CACNA2D3: variants seen among roughly 807,000 people sequenced by gnomAD.
CACNA2D3 encodes the protein calcium voltage-gated channel auxiliary subunit alpha2delta 3.
Under a neutral mutation model 160.6 loss-of-function variants are expected in CACNA2D3, and 60 were observed. The ratio of observed to expected loss-of-function variants is 0.37; its 90% confidence interval spans 0.30 to 0.46. The LOEUF (loss-of-function observed/expected upper bound fraction) is 0.46, where lower values mean the gene tolerates loss of function less well. CACNA2D3 is among the 20% of genes least tolerant of loss of function. The pLI is 1.00. For missense variants in CACNA2D3, 1,205 were observed against 1,365.0 expected (o/e 0.88, Z 1.85); for synonymous variants, 558 against 492.9 (o/e 1.13, Z -1.75).
intron 2 of CACNA2D3, among the ~76,000 whole-genome samples, chr3:54,219,121 T>C (rs1016082022): frequency 1.3e-5 from 2 of 152,212 alleles, no homozygotes; most frequent in Non-Finnish European, 2.9e-5. Context: ...AAACCTCTTA[T>C]GGCAGCCCTG....
At chr3:54,483,203 G>A (rs1007780257) in intron 4 of CACNA2D3, among the ~76,000 whole-genome samples, 4 of 152,156 alleles carry the variant, frequency 2.6e-5, no homozygotes, top group Admixed American at 1.3e-4. Flanking sequence ...TGCACTTTTT[G>A]TATGCATTTG....
At chr3:54,689,829 T>C (rs1469052842) in intron 11 of CACNA2D3, among the ~76,000 whole-genome samples, 1 of 152,130 alleles carries the variant, frequency 6.6e-6, no homozygotes, top group African/African-American at 2.4e-5. Flanking sequence ...ATAATCTGTT[T>C]TCAGCACAAC....
chr3:54,295,109 A>C (rs1703311247), intron 2 of CACNA2D3, among the ~76,000 whole-genome samples: 1 of 152,222 alleles, frequency 6.6e-6, no homozygotes, highest in Non-Finnish European at 1.5e-5. Context: ...TCTTCAGTGG[A>C]GACACATAGA....
Position 54,378,318 on chromosome 3 carries a change from C to T in CACNA2D3, c.322-8397C>T, listed in dbSNP as rs1019834677. ...GCGTGCAGCCTGGATCCCTTGCATG[C>T]GCAGTTCACAATAGAGTTCATGCTC... is the stretch of plus-strand genomic sequence containing the variant. On this transcript the variant is annotated intron_variant, in intron 3 of 37. Coordinates refer to ENST00000474759, the MANE Select transcript of CACNA2D3 (RefSeq NM_018398.3). Among the ~76,000 whole-genome samples the T allele has an allele frequency of 1.7e-4, 26 of 152,144 alleles. 1 individual carries two copies. Among genetic ancestry groups the T allele is most frequent in the African/African-American group, 5.3e-4 (22 of 41,436 alleles).
chr3:54,734,913 C>G (rs1443979762), intron 11 of CACNA2D3, among the ~76,000 whole-genome samples: 1 of 152,184 alleles, frequency 6.6e-6, no homozygotes, highest in Non-Finnish European at 1.5e-5. Context: ...AAAAGACTAT[C>G]AGAAATTGCC....
At chr3:55,000,275 G>A (rs189895701) in intron 31 of CACNA2D3, among the ~76,000 whole-genome samples, 1 of 152,258 alleles carries the variant, frequency 6.6e-6, no homozygotes, top group African/African-American at 2.4e-5. Flanking sequence ...TTCAAAAAGG[G>A]TAATAATCTG....
intron 2 of CACNA2D3, among the ~76,000 whole-genome samples, chr3:54,195,131 T>C (rs1209458883): frequency 6.6e-6 from 1 of 152,174 alleles, no homozygotes; most frequent in Non-Finnish European, 1.5e-5. Context: ...AATATGCACA[T>C]TCCAGAGTCC....
intron 4 of CACNA2D3, among the ~76,000 whole-genome samples, chr3:54,392,097 T>C (rs1699292234): frequency 6.6e-6 from 1 of 152,228 alleles, no homozygotes; most frequent in South Asian, 2.1e-4. Context: ...GTCTCAGTTA[T>C]TACATGTAAT....
chr3:54,354,671 T>C (rs1698619177), intron 3 of CACNA2D3, among the ~76,000 whole-genome samples: 1 of 152,222 alleles, frequency 6.6e-6, no homozygotes, highest in Non-Finnish European at 1.5e-5. Flanking sequence ...GATTTAACTA[T>C]TCAATTTAAT....
At chr3:54,919,303 C>T (rs2106926076) in intron 27 of CACNA2D3, among the ~76,000 whole-genome samples, 1 of 152,266 alleles carries the variant, frequency 6.6e-6, no homozygotes, top group Admixed American at 6.5e-5. Context: ...CATTGAAAAT[C>T]TAAGGAAAAA....
intron 9 of CACNA2D3, among the ~76,000 whole-genome samples, chr3:54,607,214 C>T (rs1698647532): frequency 6.6e-6 from 1 of 152,104 alleles, no homozygotes; most frequent in Admixed American, 6.6e-5. Flanking sequence ...CTCCAGTGGG[C>T]ATGTTCATGT....
At chr3:54,790,755 C>T (rs561164216) in intron 13 of CACNA2D3, among the ~76,000 whole-genome samples, 23 of 152,162 alleles carry the variant, frequency 1.5e-4, no homozygotes, top group Non-Finnish European at 1.2e-4. Context: ...TGAGCCTGAG[C>T]CCCTAGTGAC....
chr3:54,422,725 G>A (rs1387040768), intron 4 of CACNA2D3, among the ~76,000 whole-genome samples: 1 of 152,140 alleles, frequency 6.6e-6, no homozygotes, highest in East Asian at 1.9e-4. Flanking sequence ...TGAGGTTCTT[G>A]CTGGTATAGC....
intron 29 of CACNA2D3, among the ~76,000 whole-genome samples, chr3:54,974,328 T>C (rs1012411499): frequency 6.6e-6 from 1 of 152,244 alleles, no homozygotes; most frequent in Non-Finnish European, 1.5e-5. Context: ...TCAGCAACAT[T>C]ATGAAATAGT....
At chr3:54,919,100 C>T (rs545376700) in intron 27 of CACNA2D3, among the ~76,000 whole-genome samples, 1 of 152,102 alleles carries the variant, frequency 6.6e-6, no homozygotes, top group African/African-American at 2.4e-5. Context: ...ACTAAATTGG[C>T]AATTACTTAT....
At chr3:54,208,464 T>C (rs1701310900) in intron 2 of CACNA2D3, among the ~76,000 whole-genome samples, 1 of 152,196 alleles carries the variant, frequency 6.6e-6, no homozygotes, top group South Asian at 2.1e-4. Context: ...AGAGCTGGTT[T>C]CCAATAGCCC....
At chr3:54,457,430 T>G (rs1337175724) in intron 4 of CACNA2D3, among the ~76,000 whole-genome samples, 2 of 152,084 alleles carry the variant, frequency 1.3e-5, no homozygotes, top group African/African-American at 4.8e-5. Context: ...TAGTTGATAT[T>G]ATTTTGATTT....
chr3:54,521,178 A>G (rs1460341044), intron 5 of CACNA2D3, among the ~76,000 whole-genome samples: 1 of 152,238 alleles, frequency 6.6e-6, no homozygotes, highest in East Asian at 1.9e-4. Flanking sequence ...TTGAAAAACT[A>G]TCAAAGCGGC....
intron 5 of CACNA2D3, among the ~76,000 whole-genome samples, chr3:54,546,311 T>C (rs976676226): frequency 2.6e-5 from 4 of 152,208 alleles, no homozygotes; most frequent in Admixed American, 6.5e-5. Flanking sequence ...TGTAGTTCCT[T>C]GGGCTAATAT....
Sources: gnomAD v4.1 joint callset for allele counts (sites outside exome capture counted in the v4.1 genomes callset) on GRCh38, gnomAD v4.1.1 for gene constraint, MANE v1.5 for transcripts, NCBI Gene and HGNC (gene_info 2026-07-23, HGNC 2026-07-21) for gene names.